PYY: variants seen among roughly 807,000 people sequenced by gnomAD.
PYY encodes peptide tyrosine tyrosine.
Under a neutral mutation model 10.3 loss-of-function variants are expected in PYY, and 12 were observed. The observed-to-expected ratio is 1.17, with a 90% CI of 0.75 to 1.89. PYY has a LOEUF of 1.89. Among genes scored for constraint, PYY ranks in the 40% most tolerant of loss-of-function variants. The pLI is 0.00. For synonymous variants in PYY, 66 were observed against 62.0 expected (o/e 1.06, Z -0.30); for missense variants, 141 against 134.0 (o/e 1.05, Z -0.26).
chr17:43,964,706 G>A (rs1312402970), intron 2 of PYY, among the ~76,000 whole-genome samples: 1 of 152,214 alleles, frequency 6.6e-6, no homozygotes, highest in African/African-American at 2.4e-5. Flanking sequence ...AGGAGGCTGA[G>A]GCAGGAGAAT....
At chr17:43,995,769 G>A (rs954830407) in intron 1 of PYY, among the ~76,000 whole-genome samples, 2 of 151,378 alleles carry the variant, frequency 1.3e-5, no homozygotes, top group South Asian at 4.2e-4. Context: ...AGGAGGCAGA[G>A]GTTGCGGTGA....
At chr17:43,970,680 G>A (rs546609876) in intron 1 of PYY, among the ~76,000 whole-genome samples, 2 of 152,280 alleles carry the variant, frequency 1.3e-5, no homozygotes, top group East Asian at 3.9e-4. Flanking sequence ...AGCATAGTCA[G>A]GACACAGAAG....
chr17:43,972,861 C>T (rs111865038), intron 1 of PYY, among the ~76,000 whole-genome samples: 1,714 of 152,174 alleles, frequency 0.011, 25 homozygotes, highest in African/African-American at 0.038. Flanking sequence ...GGACTACAGG[C>T]GTGCCACCAA....
At chr17:43,979,997 C>T (rs2048872160) in intron 1 of PYY, among the ~76,000 whole-genome samples, 2 of 152,114 alleles carry the variant, frequency 1.3e-5, no homozygotes, top group Admixed American at 1.3e-4. Context: ...CAACCAGCAC[C>T]CAGCTTAAGA....
Position 43,987,010 on chromosome 17 carries a change from C to G in PYY, c.-463+17381G>C, listed in dbSNP as rs1267417689. On this transcript the variant is annotated intron_variant, in intron 1 of 6. Transcript: ENST00000360085. This position sits in a 1 kb window ranked among gnomAD's most constrained non-coding sequence, Gnocchi z 4.0. ...ACCTGCCCAAGTTCCTACAGCAAGT[C>G]AACGGCAACACCAGGGCTCAGCTCA... is the stretch of plus-strand genomic sequence containing the variant. Among the ~76,000 whole-genome samples, 1 of 152,196 alleles carries G rather than the reference C, an allele frequency of 6.6e-6. No individual in the cohort carries two copies. Among genetic ancestry groups the G allele is most frequent in the Non-Finnish European group, 1.5e-5 (1 of 68,040 alleles).
At chr17:44,002,088 G>A (rs923707194) in intron 1 of PYY, among the ~76,000 whole-genome samples, 2 of 152,174 alleles carry the variant, frequency 1.3e-5, no homozygotes, top group African/African-American at 2.4e-5. Context: ...GCCCCTCCAC[G>A]CCATTGCTTC....
intron 1 of PYY, among the ~76,000 whole-genome samples, chr17:43,999,565 A>G (rs562626058): frequency 6.6e-6 from 1 of 152,054 alleles, no homozygotes; most frequent in Admixed American, 6.6e-5. Context: ...TCAGGAGTTC[A>G]AGACCAGTCT....
intron 1 of PYY, among the ~76,000 whole-genome samples, chr17:43,976,255 A>G (rs1199453788): frequency 6.9e-6 from 1 of 145,910 alleles, no homozygotes; most frequent in African/African-American, 2.6e-5. Context: ...ACACATATGT[A>G]TACATGTATA....
At chr17:43,969,388 G>T (rs1201476919) in intron 1 of PYY, among the ~76,000 whole-genome samples, 1 of 151,326 alleles carries the variant, frequency 6.6e-6, no homozygotes, top group African/African-American at 2.4e-5. Context: ...GTGGTGGCGG[G>T]CACCTGTAAT....
intron 1 of PYY, among the ~76,000 whole-genome samples, chr17:43,992,306 C>A (rs2048962575): frequency 6.6e-6 from 1 of 152,072 alleles, no homozygotes; most frequent in Admixed American, 6.6e-5. Flanking sequence ...TGAGGCCAGG[C>A]ACGGTGGATC....
At chr17:43,953,245 C>T in intron 2 of PYY, 51 bp downstream of exon 2, 1 of 1,604,310 alleles carries the variant, frequency 6.2e-7, no homozygotes, top group African/African-American at 1.3e-5. Context: ...CCAGGTGGAG[C>T]GGGGCCGCAG....
intron 1 of PYY, among the ~76,000 whole-genome samples, chr17:43,998,257 T>A (rs890749102): frequency 2.0e-4 from 30 of 152,076 alleles, no homozygotes; most frequent in African/African-American, 7.2e-4. Context: ...TTTTTTTTTT[T>A]TTTAAGAAAC....
intron 1 of PYY, among the ~76,000 whole-genome samples, chr17:44,002,501 TACA>T (rs1355295741): frequency 6.6e-6 from 1 of 152,190 alleles, no homozygotes; most frequent in Non-Finnish European, 1.5e-5. Context: ...TTTCCCCCTC[TACA>T]ACAACAGAGG....
At chr17:43,955,475 T>G (rs972175423), upstream of PYY, among the ~76,000 whole-genome samples, 1 of 152,156 alleles carries the variant, frequency 6.6e-6, no homozygotes, top group Non-Finnish European at 1.5e-5. Context: ...TGGCTCCTTA[T>G]CAGCCAGTCA....
chr17:43,959,467 C>T (rs767594949), intron 2 of PYY, among the ~76,000 whole-genome samples: 2 of 152,182 alleles, frequency 1.3e-5, no homozygotes, highest in Non-Finnish European at 2.9e-5. Flanking sequence ...GGCGGATCAC[C>T]TGAAGCCAGG....
upstream of PYY, among the ~76,000 whole-genome samples, chr17:43,956,026 A>C (rs1033993371): frequency 7.9e-5 from 12 of 152,072 alleles, no homozygotes; most frequent in African/African-American, 2.9e-4. Flanking sequence ...GAGACGAAGG[A>C]AACTGTGAGA....
chr17:43,963,371 G>A (rs1010519047), intron 2 of PYY, among the ~76,000 whole-genome samples: 4 of 151,712 alleles, frequency 2.6e-5, no homozygotes, highest in African/African-American at 9.7e-5. Context: ...ATCCAGGCGT[G>A]GTAGCACACA....
upstream of PYY, among the ~76,000 whole-genome samples, chr17:43,954,329 A>G (rs191945047): frequency 3.5e-3 from 537 of 152,214 alleles, 4 homozygotes; most frequent in African/African-American, 0.012. Flanking sequence ...GGGTGGACAC[A>G]TTCCCTCCAG....
upstream of PYY, among the ~76,000 whole-genome samples, chr17:43,958,765 A>G (rs531240678): frequency 1.3e-5 from 2 of 152,332 alleles, no homozygotes; most frequent in African/African-American, 4.8e-5. Context: ...AAAAGCAAGA[A>G]TTCAGCTACC....
Sources: gnomAD v4.1 joint callset for allele counts (sites outside exome capture counted in the v4.1 genomes callset) on GRCh38, gnomAD v4.1.1 for gene constraint, Gnocchi (gnomAD v3.1) non-coding constraint, MANE v1.5 for transcripts, NCBI Gene and HGNC (gene_info 2026-07-23, HGNC 2026-07-21) for gene names.